Variants in RNF31 observed in about 807,000 individuals in gnomAD.
RNF31 encodes ring finger protein 31.
In RNF31, 38 loss-of-function variants were observed where a neutral mutation model predicts 133.6. The ratio of observed to expected loss-of-function variants is 0.28; its 90% confidence interval spans 0.22 to 0.37. The LOEUF (loss-of-function observed/expected upper bound fraction) is 0.37. Ranked by LOEUF, RNF31 falls within the 10% of genes least tolerant of loss-of-function variation. The probability of loss-of-function intolerance (pLI) is 1.00; values close to 1 mark genes in which losing one functional copy is unlikely to be tolerated. For missense variants in RNF31, 1,118 were observed against 1,394.1 expected (o/e 0.80, Z 3.15); for synonymous variants, 582 against 552.3 (o/e 1.05, Z -0.75).
At position 24,155,986 on chromosome 14, in the gene RNF31, A is replaced by G. The variant is rs2038336110; in HGVS notation, c.2493+294A>G. On this transcript the variant is annotated intron_variant, in intron 14 of 20. Transcript: ENST00000324103. The surrounding 1 kb of genome is among the most constrained non-coding windows in gnomAD (Gnocchi z 4.9). The stretch of plus-strand genomic sequence containing the variant: ...AGAAAACAAACAGGAACCTGAGATC[A>G]GGGTAACAGAGTGGACCTACTTAGG... Among the ~76,000 whole-genome samples, 1 of 152,112 alleles carries G rather than the reference A, an allele frequency of 6.6e-6. No homozygotes were observed. The highest frequency in any genetic ancestry group is 1.5e-5 in the Non-Finnish European group (1 of 68,040).
chr14:24,152,145 T>A (rs545435657), intron 11 of RNF31, among the ~76,000 whole-genome samples, 153 bp downstream of exon 11: 2 of 152,298 alleles, frequency 1.3e-5, no homozygotes, highest in South Asian at 4.1e-4. Context: ...GGAACAGGCT[T>A]ATCTCCTCCC....
Position 24,160,613 on chromosome 14 carries a change from C to T in RNF31, c.*40C>T. 1 of 1,463,296 alleles carries T rather than the reference C, an allele frequency of 6.8e-7. No homozygotes were observed. The highest frequency in any genetic ancestry group is 9.1e-7 in the Non-Finnish European group (1 of 1,095,950). The allele number at this position is 1,463,296 out of a possible 1,614,324, so 90.6% of individuals were successfully genotyped here. On this transcript the variant is annotated 3_prime_UTR_variant, in exon 21 of 21. Coordinates refer to ENST00000324103, the MANE Select transcript of RNF31 (RefSeq NM_017999.5). The surrounding 1 kb of genome is among the most constrained non-coding windows in gnomAD (Gnocchi z 4.0). ...CCCGATGAGGGTCCCATGGCCTGCT[C>T]CCTCAGGAACAGCTCCAGCACCAAT...
intron 11 of RNF31, among the ~76,000 whole-genome samples, chr14:24,154,395 G>A (rs2038312289): frequency 6.6e-6 from 1 of 152,174 alleles, no homozygotes; most frequent in African/African-American, 2.4e-5. Flanking sequence ...GCCTGCCTCA[G>A]CCTCCCAAAG....
rs1594380493 is a variant in RNF31 at position 24,155,152 on chromosome 14, T to C, written c.2131-5T>C. 1 of 1,613,200 alleles carries C rather than the reference T, an allele frequency of 6.2e-7. No individual in the cohort carries two copies. The highest frequency in any genetic ancestry group is 1.1e-5 in the South Asian group (1 of 91,062). On this transcript the variant is annotated splice_region_variant and splice_polypyrimidine_tract_variant and intron_variant, in intron 11 of 20. Coordinates refer to ENST00000324103, the MANE Select transcript of RNF31 (RefSeq NM_017999.5). The surrounding 1 kb of genome is among the most constrained non-coding windows in gnomAD (Gnocchi z 4.9). ...CCCCCTCCCCTCCAACCCCTCACCC[T>C]CCAGATGCAGGCCCTGACTTCCTGT...
rs2038433856 is a variant in RNF31, at chr14:24,160,592, A to AAAAAAAAAGTAGC, written c.*19_*20insAAAAAAAAGTAGC. 9.9e-6 allele frequency: 15 copies of AAAAAAAAAGTAGC among 1,513,908 alleles called. No individual in the cohort carries two copies. The highest frequency in any genetic ancestry group is 1.3e-5 in the Non-Finnish European group (15 of 1,129,710). The allele number at this position is 1,513,908 out of a possible 1,614,324, so 93.8% of individuals were successfully genotyped here. On this transcript the variant is annotated 3_prime_UTR_variant, in exon 21 of 21. Coordinates refer to ENST00000324103, the MANE Select transcript of RNF31 (RefSeq NM_017999.5). The surrounding 1 kb of genome is among the most constrained non-coding windows in gnomAD (Gnocchi z 4.0). ...GAAGTAGCTGAGGGCAAGGGTCCCGATGAGGGTCCCATGGCCTGCTCCCTC... is the reference window on the plus strand; with the variant it reads ...GAAGTAGCTGAGGGCAAGGGTCCCGAAAAAAAAAGTAGCTGAGGGTCCCATGGCCTGCTCCCTC...
chr14:24,159,026 TC>T lies in RNF31; in HGVS notation c.2899+828del, dbSNP rs1200265274. Among the ~76,000 whole-genome samples, 4 of 86,376 alleles carry T rather than the reference TC, an allele frequency of 4.6e-5. No homozygotes were observed. The East Asian group carries it at 1.4e-3, about 31-fold the overall frequency. The allele number at this position is 86,376 out of a possible 152,430, so 56.7% of individuals were successfully genotyped here. A position where few individuals can be genotyped will look rare whatever the true frequency, so the allele number is the denominator to read the frequency against. ...CCAGCCTGGGCAACAGAGCGAGACT[TC>T]GTCTCAAAAAAAAAAAAAAAAAAAA... is the stretch of plus-strand genomic sequence containing the variant. On this transcript the variant is annotated intron_variant, in intron 18 of 20. Transcript: ENST00000324103.
At chr14:24,149,261 C>G (rs1403694452) in intron 5 of RNF31, 145 bp from the exon 6 acceptor site, 2 of 857,972 alleles carry the variant, frequency 2.3e-6, no homozygotes. Context: ...CCACGCCCGG[C>G]CTCTTTGTTT....
At position 24,148,663 on chromosome 14, in the gene RNF31, G is replaced by A. The variant is rs1413605572; in HGVS notation, c.517G>A (p.Ala173Thr). ...LLQNTHPRQQALEQLLEDKVE... is the reference protein window; with the variant it reads ...LLQNTHPRQQTLEQLLEDKVE... ...GCAGAATACTCATCCAAGACAGCAGGCACTGGAGCAGCTGTTGGAAGACAA... is the reference window on the plus strand; with the variant it reads ...GCAGAATACTCATCCAAGACAGCAGACACTGGAGCAGCTGTTGGAAGACAA... Residue 173 changes from alanine (A) to threonine (T), a missense_variant, in exon 4 of 21, where the codon GCA (alanine) becomes ACA (threonine). This residue lies in a region of RNF31 where 747 missense variants were observed against 827.9 expected (regional missense o/e 0.90). Coordinates refer to ENST00000324103, the MANE Select transcript of RNF31 (RefSeq NM_017999.5). 5 of 1,614,192 alleles carry A rather than the reference G, an allele frequency of 3.1e-6. No individual in the cohort carries two copies. The South Asian group carries it at 5.5e-5, about 18-fold the overall frequency.
intron 4 of RNF31, 43 bp from the exon 5 acceptor site, chr14:24,148,756 CTG>C (rs772249579): frequency 4.9e-5 from 79 of 1,613,132 alleles, no homozygotes; most frequent in Non-Finnish European, 5.5e-5. Context: ...TTGTGAGACT[CTG>C]TGTCCCTAAA....
upstream of RNF31, chr14:24,146,934 G>C (rs77352948): frequency 1.1e-4 from 37 of 346,620 alleles, 1 homozygote; most frequent in Middle Eastern, 8.3e-4. Context: ...TATGGCAAAG[G>C]GGGTATTCAG....
At chr14:24,149,670 A>C in intron 6 of RNF31, 87 bp downstream of exon 6, 1 of 1,348,986 alleles carries the variant, frequency 7.4e-7, no homozygotes, top group Non-Finnish European at 1.0e-6. Flanking sequence ...TTCTGTGCTA[A>C]AGACTGTTTA....
At chr14:24,146,954 T>G (rs1594371831), upstream of RNF31, 1 of 277,960 alleles carries the variant, frequency 3.6e-6, no homozygotes. Context: ...GTGGCGGGGC[T>G]CCCCCAAGAA....
At chr14:24,158,939 A>G (rs548343528) in intron 18 of RNF31, among the ~76,000 whole-genome samples, 2 of 148,392 alleles carry the variant, frequency 1.3e-5, no homozygotes, top group African/African-American at 5.0e-5. Context: ...AGGCTGAGGC[A>G]GGAGAATGGC....
At position 24,160,009 on chromosome 14, in the gene RNF31, G is replaced by A. The variant is rs767083163; in HGVS notation, c.2996+49G>A. On this transcript the variant is annotated intron_variant, in intron 19 of 20. Transcript: ENST00000324103. This position sits in a 1 kb window ranked among gnomAD's most constrained non-coding sequence, Gnocchi z 4.0. The stretch of plus-strand genomic sequence containing the variant: ...ATGGTGTTGGGCAGTGGGTAGAAGT[G>A]GTGAGGGCATGCCCAGGCAGTAAAA... The A allele has an allele frequency of 6.4e-7, 1 of 1,559,144 alleles. No homozygotes were observed. The highest frequency in any genetic ancestry group is 1.7e-5 in the Admixed American group (1 of 59,612).
rs746778157 is a variant in RNF31, at chr14:24,157,353, C to G, written c.2557C>G (p.Pro853Ala). 7 of 1,612,502 alleles carry G rather than the reference C, an allele frequency of 4.3e-6. No individual in the cohort carries two copies. Among genetic ancestry groups the G allele is most frequent in the African/African-American group, 1.3e-5 (1 of 74,896 alleles). Reference protein sequence around the residue: ...DFQNWKRMNDPEYQAQGLAMY... With the variant: ...DFQNWKRMNDAEYQAQGLAMY... ...CCAGAACTGGAAACGCATGAACGACCCAGAATACCAGGCCCAGGGCCTAGC... is the reference window on the plus strand; with the variant it reads ...CCAGAACTGGAAACGCATGAACGACGCAGAATACCAGGCCCAGGGCCTAGC... The change falls in exon 15 of 21, where the codon CCA becomes GCA. Residue 853 changes from proline (P) to alanine (A), a missense_variant. Around this residue, in one of 3 missense-constraint regions of RNF31, gnomAD observed 201 missense variants for 371.7 expected, o/e 0.54. Coordinates refer to ENST00000324103, the MANE Select transcript of RNF31 (RefSeq NM_017999.5).
At chr14:24,152,949 C>T (rs2038288125) in intron 11 of RNF31, among the ~76,000 whole-genome samples, 5 of 151,906 alleles carry the variant, frequency 3.3e-5, no homozygotes, top group African/African-American at 1.2e-4. Flanking sequence ...GGTGTGGTGG[C>T]AGGCGCCTGT....
chr14:24,150,971 C>T (rs1203795614), intron 8 of RNF31, 83 bp downstream of exon 8: 11 of 1,508,324 alleles, frequency 7.3e-6, no homozygotes, highest in Non-Finnish European at 9.8e-6. Context: ...TTCTATGAAT[C>T]TTGTTATTGT....
Position 24,149,539 on chromosome 14 carries a change from C to T in RNF31, c.765C>T (p.Arg255=), listed in dbSNP as rs200761781. 1.4e-5 allele frequency: 23 copies of T among 1,614,034 alleles called. No homozygotes were observed. The highest frequency in any genetic ancestry group is 2.2e-5 in the East Asian group (1 of 44,890). ...ACCCATCCCGTGCTCATCACCTCCG[C>T]CAGACCCTGCCTGGGGTCCTGCAGG... ...HGHPSRAHHL[R]QTLPGVLQGT... The change falls in exon 6 of 21, where the codon CGC becomes CGT. Residue 255 remains arginine, a synonymous_variant. Coordinates refer to ENST00000324103, the MANE Select transcript of RNF31 (RefSeq NM_017999.5).
rs67903529 is a variant in RNF31, at chr14:24,159,320, C to G, written c.2900-544C>G. 8.1e-3 allele frequency among the ~76,000 whole-genome samples: 1,199 copies of G among 147,196 alleles called. 19 individuals carry two copies. Among genetic ancestry groups the G allele is most frequent in the African/African-American group, 0.03 (1,145 of 38,734 alleles). ...CAAGATTGCGCCATTGCACTCCAGT[C>G]CAGCCTGGGCAACAAGAGTGAAACT... On this transcript the variant is annotated intron_variant, in intron 18 of 20. Transcript: ENST00000324103.
Sources: allele counts gnomAD v4.1 joint callset (sites outside exome capture counted in the v4.1 genomes callset), GRCh38; gene constraint gnomAD v4.1.1; regional missense constraint gnomAD v4.1.1; non-coding constraint Gnocchi (gnomAD v3.1); transcripts MANE v1.5; gene names NCBI Gene and HGNC (gene_info 2026-07-23, HGNC 2026-07-21).